NTN1: variants seen among roughly 807,000 people sequenced by gnomAD.
NTN1 encodes the protein netrin 1, also known as netrin-1.
In NTN1, 11 loss-of-function variants were observed where a neutral mutation model predicts 54.2. The observed-to-expected ratio is 0.20, with a 90% CI of 0.13 to 0.34. NTN1 has a LOEUF of 0.34. Among genes scored for constraint, NTN1 ranks in the 10% least tolerant of loss-of-function variants. The probability of loss-of-function intolerance (pLI) is 1.00; values close to 1 mark genes in which losing one functional copy is unlikely to be tolerated. For synonymous variants in NTN1, 371 were observed against 382.0 expected (o/e 0.97, Z 0.33); for missense variants, 740 against 893.1 (o/e 0.83, Z 2.18).
chr17:9,054,103 G>C (rs1332947758), intron 2 of NTN1, among the ~76,000 whole-genome samples: 1 of 152,202 alleles, frequency 6.6e-6, no homozygotes, highest in Admixed American at 6.5e-5. Flanking sequence ...CATGAAAAAG[G>C]AGACTCCAGC....
intron 2 of NTN1, among the ~76,000 whole-genome samples, chr17:9,066,606 C>A (rs543639920): frequency 6.6e-6 from 1 of 151,770 alleles, no homozygotes. Context: ...CCAGCCTGGG[C>A]GACAGAGTGA....
At chr17:9,019,048 T>A (rs2091837911), upstream of NTN1, among the ~76,000 whole-genome samples, 1 of 152,182 alleles carries the variant, frequency 6.6e-6, no homozygotes, top group Non-Finnish European at 1.5e-5. Flanking sequence ...ATGAACATGG[T>A]CTCCTCATTT....
intron 2 of NTN1, among the ~76,000 whole-genome samples, chr17:9,132,106 T>C (rs2092267706): frequency 6.6e-6 from 1 of 152,010 alleles, no homozygotes; most frequent in Non-Finnish European, 1.5e-5. Flanking sequence ...TTAGACCATG[T>C]CACTTTGGCC....
intron 6 of NTN1, among the ~76,000 whole-genome samples, chr17:9,234,040 C>A (rs924334368): frequency 6.6e-6 from 1 of 152,230 alleles, no homozygotes; most frequent in Non-Finnish European, 1.5e-5. Flanking sequence ...CCCTTGTTGA[C>A]TCTGGCCCCC....
At chr17:9,227,992 C>T (rs1017297506) in intron 6 of NTN1, among the ~76,000 whole-genome samples, 4 of 152,156 alleles carry the variant, frequency 2.6e-5, no homozygotes, top group Non-Finnish European at 5.9e-5. Flanking sequence ...GGCCCAGCCT[C>T]CCCTCCACAC....
At chr17:9,186,956 T>C (rs893213858) in intron 5 of NTN1, among the ~76,000 whole-genome samples, 8 of 152,090 alleles carry the variant, frequency 5.3e-5, no homozygotes, top group African/African-American at 1.9e-4. Context: ...AAAAGGGCAC[T>C]AAAATGGGCA....
chr17:9,104,307 A>T (rs945985325), intron 2 of NTN1, among the ~76,000 whole-genome samples: 9 of 152,152 alleles, frequency 5.9e-5, no homozygotes, highest in African/African-American at 2.2e-4. Context: ...AACAATGTGA[A>T]TGTACTTAAT....
intron 2 of NTN1, among the ~76,000 whole-genome samples, chr17:9,066,500 T>C (rs7215014): frequency 0.17 from 25,844 of 150,350 alleles, 2,497 homozygotes; most frequent in African/African-American, 0.24. Flanking sequence ...TGGTGGTGGG[T>C]ACCTGTAATC....
chr17:9,207,514 C>T (rs1413790100), intron 5 of NTN1, among the ~76,000 whole-genome samples: 5 of 152,142 alleles, frequency 3.3e-5, no homozygotes, highest in Non-Finnish European at 2.9e-5. Context: ...AATGAGGAAT[C>T]GGAGGTTCAG....
At chr17:9,166,170 ACCACCACCACCACCACCACCACCACCAC>A (rs2092372603) in intron 3 of NTN1, among the ~76,000 whole-genome samples, 1 of 66,704 alleles carries the variant, frequency 1.5e-5, no homozygotes. Flanking sequence ...CACCACCACC[ACCACCACCACCACCACCACCACCACCAC>A]CACCACCACC....
At chr17:9,152,304 C>G (rs773166747) in intron 2 of NTN1, among the ~76,000 whole-genome samples, 2 of 152,156 alleles carry the variant, frequency 1.3e-5, no homozygotes, top group Admixed American at 6.5e-5. Flanking sequence ...GCTGTGCCAC[C>G]GCATGCCCAA....
At chr17:9,097,964 C>T (rs933679593) in intron 2 of NTN1, among the ~76,000 whole-genome samples, 7 of 149,498 alleles carry the variant, frequency 4.7e-5, no homozygotes, top group Admixed American at 2.7e-4. Flanking sequence ...GACCTCCCCC[C>T]GAGAAAGAGA....
intron 2 of NTN1, among the ~76,000 whole-genome samples, chr17:9,102,401 C>T (rs1382873183): frequency 1.3e-5 from 2 of 152,184 alleles, no homozygotes; most frequent in African/African-American, 4.8e-5. Flanking sequence ...ACCATCAGAT[C>T]TCGTGAGAAC....
chr17:9,109,169 C>T (rs967772676), intron 2 of NTN1, among the ~76,000 whole-genome samples: 5 of 152,230 alleles, frequency 3.3e-5, no homozygotes, highest in Non-Finnish European at 7.3e-5. Context: ...GGCACAGTGC[C>T]TGGCCTGAAG....
At chr17:9,128,322 A>C (rs994468538) in intron 2 of NTN1, among the ~76,000 whole-genome samples, 1 of 148,680 alleles carries the variant, frequency 6.7e-6, no homozygotes, top group Non-Finnish European at 1.5e-5. Flanking sequence ...AAAAAAAAAA[A>C]AAAAAGTATC....
At chr17:9,202,029 T>TACACACACACACACACACACACACACAC (rs1200661283) in intron 5 of NTN1, among the ~76,000 whole-genome samples, 4 of 26,818 alleles carry the variant, frequency 1.5e-4, no homozygotes, top group Non-Finnish European at 6.3e-5. Context: ...CTACTAAAAA[T>TACACACACACACACACACACACACACAC]ACACACACAC....
At chr17:9,195,794 C>T (rs757285111) in intron 5 of NTN1, among the ~76,000 whole-genome samples, 12 of 152,278 alleles carry the variant, frequency 7.9e-5, no homozygotes, top group Admixed American at 5.2e-4. Flanking sequence ...GTGAGGAAAG[C>T]CCCCCTCCAG....
chr17:9,188,014 C>T (rs899427550), intron 5 of NTN1, among the ~76,000 whole-genome samples: 2 of 152,288 alleles, frequency 1.3e-5, no homozygotes, highest in East Asian at 3.9e-4. Flanking sequence ...GGCCGGGCAG[C>T]GGCTGTTTAA....
chr17:9,129,010 G>C (rs1381108772), intron 2 of NTN1, among the ~76,000 whole-genome samples: 1 of 152,124 alleles, frequency 6.6e-6, no homozygotes, highest in Non-Finnish European at 1.5e-5. Context: ...GCGTTTCTTT[G>C]CTTGCAGCAC....
Sources: gnomAD v4.1 joint callset for allele counts (sites outside exome capture counted in the v4.1 genomes callset) on GRCh38, gnomAD v4.1.1 for gene constraint, MANE v1.5 for transcripts, NCBI Gene and HGNC (gene_info 2026-07-23, HGNC 2026-07-21) for gene names.